TUBG1: variants seen among roughly 807,000 people sequenced by gnomAD.
TUBG1 encodes the protein tubulin gamma-1 chain.
A neutral mutation model predicts 53.3 loss-of-function variants in TUBG1; 22 were observed. The observed-to-expected ratio is 0.41, with a 90% CI of 0.29 to 0.59. The LOEUF is 0.59. Ranked by LOEUF, TUBG1 falls within the 20% of genes least tolerant of loss-of-function variation. The pLI is 0.26. For synonymous variants in TUBG1, 198 were observed against 236.7 expected, an observed-to-expected ratio of 0.84 and a Z score of 1.50; for missense variants, 217 against 598.9, an observed-to-expected ratio of 0.36 and a Z score of 6.66.
intron 3 of TUBG1, chr17:42,610,812 C>T (rs953474449): frequency 1.2e-5 from 7 of 599,026 alleles, no homozygotes; most frequent in Non-Finnish European, 1.7e-5. Context: ...TCTAAATCTC[C>T]CAACAACCCT....
At position 42,613,222 on chromosome 17, in the gene TUBG1, G is replaced by A. The variant is rs531202938; in HGVS notation, c.606+149G>A. On this transcript the variant is annotated intron_variant, in intron 6 of 10. Coordinates refer to ENST00000251413, the MANE Select transcript of TUBG1 (RefSeq NM_001070.5). ...CCCATCACTTTGGGAGGCCAAGGTCGTTGGATCGTTTGAGTTTAGGAGTTC... is the reference window on the plus strand; with the variant it reads ...CCCATCACTTTGGGAGGCCAAGGTCATTGGATCGTTTGAGTTTAGGAGTTC... 86 of 1,309,712 alleles carry A rather than the reference G, an allele frequency of 6.6e-5. No homozygotes were observed. In the African/African-American group the frequency reaches 8.4e-4, roughly 13 times the overall value. The allele number at this position is 1,309,712 out of a possible 1,614,324, so 81.1% of individuals were successfully genotyped here. A position where few individuals can be genotyped will look rare whatever the true frequency, so the allele number is the denominator to read the frequency against.
intron 5 of TUBG1, 94 bp from the exon 6 acceptor site, chr17:42,612,853 T>A: frequency 6.5e-7 from 1 of 1,542,240 alleles, no homozygotes; most frequent in Non-Finnish European, 8.8e-7. Context: ...AGTTTCGCCA[T>A]CAAGATTTAT....
At chr17:42,613,449 G>C (rs536187591) in intron 6 of TUBG1, among the ~76,000 whole-genome samples, 198 bp from the exon 7 acceptor site, 121 of 152,046 alleles carry the variant, frequency 8.0e-4, no homozygotes, top group African/African-American at 2.6e-3. Flanking sequence ...AAAAAAAACT[G>C]TTTAAATAAT....
chr17:42,609,987 G>T, intron 1 of TUBG1, 121 bp from the exon 2 acceptor site: 2 of 1,357,698 alleles, frequency 1.5e-6, no homozygotes, highest in East Asian at 2.4e-5. Flanking sequence ...CCTCAGACAC[G>T]GGAGAGTCCT....
Position 42,609,806 on chromosome 17 carries a change from C to T in TUBG1, c.49+20C>T, listed in dbSNP as rs142956299. ...ATCAGAGTGAGCGAAACTCCGGCCC[C>T]TCAGCTAGCCAGGTTCCTTAGGGTC... On this transcript the variant is annotated intron_variant, in intron 1 of 10. Transcript: ENST00000251413. 43 of 1,550,524 alleles carry T rather than the reference C, an allele frequency of 2.8e-5. No homozygotes were observed. In the African/African-American group the frequency reaches 5.5e-4, roughly 20 times the overall value.
chr17:42,612,301 T>C, intron 4 of TUBG1, 126 bp from the exon 5 acceptor site: 1 of 1,307,570 alleles, frequency 7.6e-7, no homozygotes, highest in Non-Finnish European at 1.1e-6. Context: ...CTAAGCTGTA[T>C]AAGTGAGGGG....
chr17:42,612,133 A>G lies in TUBG1; in HGVS notation c.389A>G (p.Asp130Gly). 6.2e-7 allele frequency: 1 copy of G among 1,614,092 alleles called. No homozygotes were observed. Among genetic ancestry groups the G allele is most frequent in the African/African-American group, 1.3e-5 (1 of 75,034 alleles). Residue 130 changes from aspartate (D) to glycine (G), a missense_variant, in exon 4 of 11, where the codon GAC (aspartate) becomes GGC (glycine). Physicochemically the swap from Asp to Gly is moderately conservative, Grantham distance 94. This residue lies in a region of TUBG1 where 57 missense variants were observed against 169.3 expected (regional missense o/e 0.34). Transcript: ENST00000251413. ...ATAGACCGGGAGGCAGATGGTAGTG[A>G]CAGTCTAGAGGTAAGTGTCCCAGGA... ...DIIDREADGS[D>G]SLEGFVLCHS...
chr17:42,613,355 G>A (rs780343257), intron 6 of TUBG1, among the ~76,000 whole-genome samples: 1 of 152,008 alleles, frequency 6.6e-6, no homozygotes, highest in Non-Finnish European at 1.5e-5. Context: ...AGAGGCAGGG[G>A]CTGCAGTGAG....
At chr17:42,612,567 A>G in intron 5 of TUBG1, 61 bp downstream of exon 5, 1 of 1,473,796 alleles carries the variant, frequency 6.8e-7, no homozygotes, top group African/African-American at 1.4e-5. Context: ...TGACTAGGGG[A>G]CCCAGCAGAT....
Position 42,610,470 on chromosome 17 carries a change from A to G in TUBG1, c.210A>G (p.Glu70=). The change falls in exon 3 of 11, where the codon GAA becomes GAG. Residue 70 remains glutamate, a synonymous_variant. Coordinates refer to ENST00000251413, the MANE Select transcript of TUBG1 (RefSeq NM_001070.5). ...CCCGGGCCGTGCTGCTGGACTTGGA[A>G]CCCCGGGTGATCCACTCCATCCTCA... ...YIPRAVLLDL[E]PRVIHSILNS... is the part of the protein sequence containing the mutation. 1 of 1,611,258 alleles carries G rather than the reference A, an allele frequency of 6.2e-7. No homozygotes were observed. The highest frequency in any genetic ancestry group is 8.5e-7 in the Non-Finnish European group (1 of 1,177,692).
chr17:42,612,296 C>G, intron 4 of TUBG1, 131 bp from the exon 5 acceptor site: 2 of 1,298,064 alleles, frequency 1.5e-6, no homozygotes, highest in Non-Finnish European at 2.2e-6. Context: ...GTTGCCTAAG[C>G]TGTATAAGTG....
rs578233284 is a variant in TUBG1 at position 42,612,882 on chromosome 17, T to A, written c.480-65T>A. ...GATTTATCTGCTTCTGGACAGTTGT[T>A]AGGGAGCGCCATGTTCACCAGGCCT... On this transcript the variant is annotated intron_variant, in intron 5 of 10. Transcript: ENST00000251413. 1.5e-4 allele frequency: 238 copies of A among 1,599,870 alleles called. 2 individuals carry two copies. The South Asian group carries it at 2.5e-3, about 17-fold the overall frequency.
intron 5 of TUBG1, 70 bp downstream of exon 5, chr17:42,612,576 A>C (rs1441713313): frequency 1.1e-5 from 15 of 1,366,142 alleles, no homozygotes; most frequent in Non-Finnish European, 1.5e-5. Context: ...GACCCAGCAG[A>C]TATAACTCCA....
Position 42,614,459 on chromosome 17 carries a change from G to A in TUBG1, c.997-37G>A, listed in dbSNP as rs2052061002. The A allele has an allele frequency of 6.2e-6, 10 of 1,614,036 alleles. No individual in the cohort carries two copies. Among genetic ancestry groups the A allele is most frequent in the South Asian group, 1.1e-5 (1 of 91,094 alleles). ...CACACCCTGGACCTGCAGGGGTAGAGGAGAGGCCACCTCCACTGCTCCTAT... is the reference window on the plus strand; with the variant it reads ...CACACCCTGGACCTGCAGGGGTAGAAGAGAGGCCACCTCCACTGCTCCTAT... On this transcript the variant is annotated intron_variant, in intron 9 of 10. Coordinates refer to ENST00000251413, the MANE Select transcript of TUBG1 (RefSeq NM_001070.5). The surrounding 1 kb of genome is among the most constrained non-coding windows in gnomAD (Gnocchi z 5.1).
rs1220941127 is a variant in TUBG1, at chr17:42,615,139, C to T, written c.*98C>T. 2 of 1,173,416 alleles carry T rather than the reference C, an allele frequency of 1.7e-6. No homozygotes were observed. The highest frequency in any genetic ancestry group is 4.8e-5 in the East Asian group (2 of 41,438). 72.7% of individuals were successfully genotyped at this position (1,173,416 alleles called of 1,614,324 possible). The stretch of plus-strand genomic sequence containing the variant: ...AGCACAGATCAGGGACCTCACGCAT[C>T]TCTTTCTCATATACATGGACTCTCT... On this transcript the variant is annotated 3_prime_UTR_variant, in exon 11 of 11. Transcript: ENST00000251413.
Position 42,609,729 on chromosome 17 carries a change from T to A in TUBG1, c.-9T>A. 3 of 1,549,420 alleles carry A rather than the reference T, an allele frequency of 1.9e-6. No individual in the cohort carries two copies. Among genetic ancestry groups the A allele is most frequent in the Non-Finnish European group, 2.6e-6 (3 of 1,146,064 alleles). ...CGGGAGCGGCTGCAACGCCGGTGCC[T>A]GAGGAGCGATGCCGAGGGAAATCAT... On this transcript the variant is annotated 5_prime_UTR_variant, in exon 1 of 11. Coordinates refer to ENST00000251413, the MANE Select transcript of TUBG1 (RefSeq NM_001070.5).
rs2052061682 is a variant in TUBG1 at position 42,614,532 on chromosome 17, T to C, written c.1033T>C (p.Leu345=). Residue 345 remains leucine, a synonymous_variant, in exon 10 of 11, where the codon TTG becomes CTG. Transcript: ENST00000251413. The surrounding 1 kb of genome is among the most constrained non-coding windows in gnomAD (Gnocchi z 5.1). ...CTTGCAGAGGATCCGGGAACGCAAG[T>C]TGGCCAACTTCATCCCGTGGGGCCC... ...KSLQRIRERK[L]ANFIPWGPAS... 6.2e-7 allele frequency: 1 copy of C among 1,613,092 alleles called. No individual in the cohort carries two copies. The highest frequency in any genetic ancestry group is 8.5e-7 in the Non-Finnish European group (1 of 1,179,244).
At position 42,609,695 on chromosome 17, in the gene TUBG1, C is replaced by A. The variant is rs934622435; in HGVS notation, c.-43C>A. The A allele has an allele frequency of 1.3e-6, 2 of 1,535,426 alleles. No individual in the cohort carries two copies. The highest frequency in any genetic ancestry group is 1.8e-6 in the Non-Finnish European group (2 of 1,140,104). ...CGGCGAGCGGGCTGGCGTGCGGCGC[C>A]GTTGCGGGCGGGAGCGGCTGCAACG... On this transcript the variant is annotated 5_prime_UTR_variant, in exon 1 of 11. Transcript: ENST00000251413.
At chr17:42,612,599 C>G (rs1409109586) in intron 5 of TUBG1, 93 bp downstream of exon 5, 6 of 1,237,168 alleles carry the variant, frequency 4.8e-6, no homozygotes, top group African/African-American at 1.5e-5. Context: ...TTTGCTGGAA[C>G]AGGAAAGAGT....
Sources: gnomAD v4.1 joint callset for allele counts (sites outside exome capture counted in the v4.1 genomes callset) on GRCh38, gnomAD v4.1.1 for gene constraint, gnomAD v4.1.1 regional missense constraint, Gnocchi (gnomAD v3.1) non-coding constraint, MANE v1.5 for transcripts, NCBI Gene and HGNC (gene_info 2026-07-23, HGNC 2026-07-21) for gene names.